The following PRR12 variants were observed in gnomAD, a reference collection of about 807,000 sequenced individuals.
PRR12 encodes proline-rich protein 12.
In PRR12, 12 loss-of-function variants were observed where a neutral mutation model predicts 138.0. That is an observed-to-expected ratio of 0.09 (90% CI 0.06 to 0.14). The LOEUF is 0.14. Among genes scored for constraint, PRR12 ranks in the 10% least tolerant of loss-of-function variants. The probability of loss-of-function intolerance (pLI) is 1.00; values close to 1 mark genes in which losing one functional copy is unlikely to be tolerated. For synonymous variants in PRR12, 1,567 were observed against 1,291.7 expected (o/e 1.21, Z -4.57); for missense variants, 2,692 against 2,861.3 (o/e 0.94, Z 1.35).
chr19:49,611,753 C>G (rs1599797075), intron 6 of PRR12, among the ~76,000 whole-genome samples: 1 of 146,562 alleles, frequency 6.8e-6, no homozygotes. Flanking sequence ...GAAACCCCGC[C>G]TCTACTAAAA....
At position 49,591,559 on chromosome 19, in the gene PRR12, C is replaced by T; in HGVS notation, c.-96C>T. On this transcript the variant is annotated 5_prime_UTR_variant, in exon 1 of 14. Coordinates refer to ENST00000418929, the MANE Select transcript of PRR12 (RefSeq NM_020719.3). ...AGAGAGAAAAGGGGGGAAAAAAAAG[C>T]AGCAGCGGAGGGAGCGGCGGCGGAG... The T allele has an allele frequency of 3.0e-6, 2 of 674,050 alleles. No homozygotes were observed. The highest frequency in any genetic ancestry group is 4.4e-6 in the Non-Finnish European group (2 of 449,788). 41.8% of individuals were successfully genotyped at this position (674,050 alleles called of 1,614,324 possible). A position where few individuals can be genotyped will look rare whatever the true frequency, so the allele number is the denominator to read the frequency against.
intron 8 of PRR12, 88 bp downstream of exon 8, chr19:49,615,097 G>A (rs1163853090): frequency 1.9e-6 from 3 of 1,551,502 alleles, no homozygotes; most frequent in South Asian, 1.1e-5. Flanking sequence ...GCTGGAGAGT[G>A]GGGGGTGGGG....
intron 6 of PRR12, among the ~76,000 whole-genome samples, chr19:49,608,861 A>G (rs1198783866): frequency 6.6e-6 from 1 of 152,190 alleles, no homozygotes; most frequent in South Asian, 2.1e-4. Flanking sequence ...AACAAAAAAA[A>G]CAAATCAATC....
At position 49,625,755 on chromosome 19, in the gene PRR12, G is replaced by A; in HGVS notation, c.*148G>A. The stretch of plus-strand genomic sequence containing the variant: ...GTCTGTGCTGCCCCCTCCAGGGCAG[G>A]GTTCAAAGTCCGACTCCCCCCCTCT... On this transcript the variant is annotated 3_prime_UTR_variant, in exon 14 of 14. Coordinates refer to ENST00000418929, the MANE Select transcript of PRR12 (RefSeq NM_020719.3). This position sits in a 1 kb window ranked among gnomAD's most constrained non-coding sequence, Gnocchi z 5.5. The A allele has an allele frequency of 9.1e-7, 1 of 1,094,248 alleles. No individual in the cohort carries two copies. Among genetic ancestry groups the A allele is most frequent in the Non-Finnish European group, 1.2e-6 (1 of 820,042 alleles). 67.8% of individuals were successfully genotyped at this position (1,094,248 alleles called of 1,614,324 possible). A position where few individuals can be genotyped will look rare whatever the true frequency, so the allele number is the denominator to read the frequency against.
Position 49,625,766 on chromosome 19 carries a change from C to T in PRR12, c.*159C>T, listed in dbSNP as rs573801122. On this transcript the variant is annotated 3_prime_UTR_variant, in exon 14 of 14. Coordinates refer to ENST00000418929, the MANE Select transcript of PRR12 (RefSeq NM_020719.3). The surrounding 1 kb of genome is among the most constrained non-coding windows in gnomAD (Gnocchi z 5.5). Reference sequence around the variant, plus strand: ...CCCCTCCAGGGCAGGGTTCAAAGTCCGACTCCCCCCCTCTCCCAAGCCCCC... The same window carrying T: ...CCCCTCCAGGGCAGGGTTCAAAGTCTGACTCCCCCCCTCTCCCAAGCCCCC... 767 of 905,532 alleles carry T rather than the reference C, an allele frequency of 8.5e-4. 2 individuals carry two copies. In the African/African-American group the frequency reaches 9.9e-3, roughly 12 times the overall value. The allele number at this position is 905,532 out of a possible 1,614,324, so 56.1% of individuals were successfully genotyped here. A position where few individuals can be genotyped will look rare whatever the true frequency, so the allele number is the denominator to read the frequency against.
chr19:49,614,636 G>T lies in PRR12; in HGVS notation c.4877G>T (p.Cys1626Phe). Residue 1626 changes from cysteine (C) to phenylalanine (F), a missense_variant, in exon 7 of 14, where the codon TGT (cysteine) becomes TTT (phenylalanine). Physicochemically the swap from Cys to Phe is radical, Grantham distance 205. Around this residue, in one of 11 missense-constraint regions of PRR12, gnomAD observed 92 missense variants for 174.1 expected, o/e 0.53. Transcript: ENST00000418929. This position sits in a 1 kb window ranked among gnomAD's most constrained non-coding sequence, Gnocchi z 5.0. Reference protein sequence around the residue: ...PEIKDGQRQFCATSNYLGYFG... With the variant: ...PEIKDGQRQFFATSNYLGYFG... ...ATCAAGGACGGCCAGAGGCAGTTTTGTGCCACCAGTAATGTAAGCCTGCAA... is the reference window on the plus strand; with the variant it reads ...ATCAAGGACGGCCAGAGGCAGTTTTTTGCCACCAGTAATGTAAGCCTGCAA... The T allele has an allele frequency of 6.4e-7, 1 of 1,560,582 alleles. No homozygotes were observed. The highest frequency in any genetic ancestry group is 8.7e-7 in the Non-Finnish European group (1 of 1,152,276).
rs1367018776 is a variant in PRR12 at position 49,594,245 on chromosome 19, G to C, written c.200-209G>C. Among the ~76,000 whole-genome samples the C allele has an allele frequency of 2.6e-5, 4 of 151,960 alleles. No individual in the cohort carries two copies. The highest frequency in any genetic ancestry group is 5.9e-5 in the Non-Finnish European group (4 of 67,984). ...TGTCCTTATGACTGGATTGCCCCTT[G>C]TCTTGCTTTACTGTCTCACCTTTCC... On this transcript the variant is annotated intron_variant, in intron 2 of 13. Coordinates refer to ENST00000418929, the MANE Select transcript of PRR12 (RefSeq NM_020719.3). The surrounding 1 kb of genome is among the most constrained non-coding windows in gnomAD (Gnocchi z 5.6).
Position 49,621,548 on chromosome 19 carries a change from C to T in PRR12, c.5647C>T (p.Arg1883Trp), listed in dbSNP as rs1304697024. The change falls in exon 11 of 14, where the codon CGG becomes TGG. Residue 1883 changes from arginine to tryptophan, a missense_variant. Arg to Trp is a moderately radical substitution (Grantham distance 101, BLOSUM62 -3). This residue lies in a region of PRR12 where 116 missense variants were observed against 243.4 expected (regional missense o/e 0.48). Transcript: ENST00000418929. ...THDELYLPPM[R>W]KIDGLLNEHK... ...AGACGAGCTGTACCTGCCCCCCATGCGGAAGATAGACGGCCTGCTGAATGA... is the reference window on the plus strand; with the variant it reads ...AGACGAGCTGTACCTGCCCCCCATGTGGAAGATAGACGGCCTGCTGAATGA... The T allele has an allele frequency of 1.2e-6, 2 of 1,606,898 alleles. No individual in the cohort carries two copies. Among genetic ancestry groups the T allele is most frequent in the South Asian group, 1.1e-5 (1 of 89,428 alleles).
At chr19:49,602,277 C>A (rs533993407) in intron 6 of PRR12, among the ~76,000 whole-genome samples, 1 of 152,146 alleles carries the variant, frequency 6.6e-6, no homozygotes, top group African/African-American at 2.4e-5. Flanking sequence ...GGCTCTGGCC[C>A]TAGGGAGCTT....
chr19:49,603,625 AG>A (rs1159454286), intron 6 of PRR12, among the ~76,000 whole-genome samples: 1 of 151,884 alleles, frequency 6.6e-6, no homozygotes, highest in South Asian at 2.1e-4. Flanking sequence ...TCTGGGGTGG[AG>A]GGGGGAGGTT....
In PRR12 at chr19:49,614,518, AC is replaced by A. The variant is rs1568429597; in HGVS notation, c.4774-11del. ...GGGCTGACCCTGCTGGCCTCACCAC[AC>A]CCCTCCTCCTCAGCTGGCGTTGCAG... On this transcript the variant is annotated splice_polypyrimidine_tract_variant and intron_variant, in intron 6 of 13. Coordinates refer to ENST00000418929, the MANE Select transcript of PRR12 (RefSeq NM_020719.3). This position sits in a 1 kb window ranked among gnomAD's most constrained non-coding sequence, Gnocchi z 5.0. 6.5e-7 allele frequency: 1 copy of A among 1,527,492 alleles called. No individual in the cohort carries two copies. Among genetic ancestry groups the A allele is most frequent in the South Asian group, 1.2e-5 (1 of 80,804 alleles). The allele number at this position is 1,527,492 out of a possible 1,614,324, so 94.6% of individuals were successfully genotyped here. A position where few individuals can be genotyped will look rare whatever the true frequency, so the allele number is the denominator to read the frequency against.
rs2122315874 is a variant in PRR12, at chr19:49,601,482, C to T, written c.4346-9C>T. On this transcript the variant is annotated splice_polypyrimidine_tract_variant and intron_variant, in intron 5 of 13. Coordinates refer to ENST00000418929, the MANE Select transcript of PRR12 (RefSeq NM_020719.3). ...TAACATCCAGGCCTGATGTCCCTGTCTCCCCCAGAGCCCCCGCTGCTGGAG... is the reference window on the plus strand; with the variant it reads ...TAACATCCAGGCCTGATGTCCCTGTTTCCCCCAGAGCCCCCGCTGCTGGAG... 4.8e-6 allele frequency: 7 copies of T among 1,449,692 alleles called. No individual in the cohort carries two copies. Among genetic ancestry groups the T allele is most frequent in the East Asian group, 2.5e-5 (1 of 40,154 alleles). The allele number at this position is 1,449,692 out of a possible 1,614,324, so 89.8% of individuals were successfully genotyped here. A position where few individuals can be genotyped will look rare whatever the true frequency, so the allele number is the denominator to read the frequency against.
rs1261534194 is a variant in PRR12 at position 49,591,588 on chromosome 19, A to AGCGC, written c.-58_-55dup. The AGCGC allele has an allele frequency of 1.8e-6, 1 of 566,910 alleles. No homozygotes were observed. Among genetic ancestry groups the AGCGC allele is most frequent in the Non-Finnish European group, 2.7e-6 (1 of 364,396 alleles). 35.1% of individuals were successfully genotyped at this position (566,910 alleles called of 1,614,324 possible). ...AGCGGAGGGAGCGGCGGCGGAGGAGAGCGCGCGCGCGCCCCCTCCCTCCCT... is the reference window on the plus strand; with the variant it reads ...AGCGGAGGGAGCGGCGGCGGAGGAGAGCGCGCGCGCGCGCGCCCCCTCCCTCCCT... On this transcript the variant is annotated 5_prime_UTR_variant, in exon 1 of 14. Coordinates refer to ENST00000418929, the MANE Select transcript of PRR12 (RefSeq NM_020719.3).
At chr19:49,618,590 G>C (rs1192089784) in intron 9 of PRR12, among the ~76,000 whole-genome samples, 2 of 152,074 alleles carry the variant, frequency 1.3e-5, no homozygotes, top group Non-Finnish European at 2.9e-5. Flanking sequence ...GTTTCACCAT[G>C]TTGGCCCAGG....
Position 49,595,590 on chromosome 19 carries a change from A to C in PRR12, c.1255A>C (p.Ser419Arg), listed in dbSNP as rs1207509887. Residue 419 changes from serine (S) to arginine (R), a missense_variant, in exon 4 of 14, where the codon AGC (serine) becomes CGC (arginine). Physicochemically the swap from Ser to Arg is moderately radical, Grantham distance 110. Around this residue, in one of 11 missense-constraint regions of PRR12, gnomAD observed 523 missense variants for 496.4 expected, o/e 1.05. Coordinates refer to ENST00000418929, the MANE Select transcript of PRR12 (RefSeq NM_020719.3). ...TTCGACCGCCACCCCCAAATGTCAG[A>C]GCCTGGGTGGGCCAGCAGCCGCCTA... ...PRSTATPKCQ[S>R]LGGPAAAYAT... 1.2e-6 allele frequency: 2 copies of C among 1,605,850 alleles called. No individual in the cohort carries two copies. The highest frequency in any genetic ancestry group is 2.7e-5 in the African/African-American group (2 of 74,740).
At position 49,599,282 on chromosome 19, in the gene PRR12, C is replaced by G. The variant is rs771544605; in HGVS notation, c.3689C>G (p.Ser1230Cys). 19 of 1,600,614 alleles carry G rather than the reference C, an allele frequency of 1.2e-5. No individual in the cohort carries two copies. Among genetic ancestry groups the G allele is most frequent in the Non-Finnish European group, 1.1e-5 (13 of 1,172,662 alleles). Reference sequence around the variant, plus strand: ...CACTCCCATGTCTAGATCAAGCTGTCTGTGCCCAAGGCTGGCGAGGGTCTG... The same window carrying G: ...CACTCCCATGTCTAGATCAAGCTGTGTGTGCCCAAGGCTGGCGAGGGTCTG... ...EPLKPLKIKLSVPKAGEGLGT... is the reference protein window; with the variant it reads ...EPLKPLKIKLCVPKAGEGLGT... Residue 1230 changes from serine (S) to cysteine (C), a missense_variant, in exon 5 of 14, where the codon TCT becomes TGT. By Grantham distance (112) the Ser-to-Cys change is moderately radical. This residue lies in a region of PRR12 where 326 missense variants were observed against 344.2 expected (regional missense o/e 0.95). Transcript: ENST00000418929. The surrounding 1 kb of genome is among the most constrained non-coding windows in gnomAD (Gnocchi z 5.0).
intron 6 of PRR12, among the ~76,000 whole-genome samples, chr19:49,611,999 C>G (rs146173224): frequency 0.019 from 2,510 of 134,306 alleles, 80 homozygotes; most frequent in African/African-American, 0.065. Flanking sequence ...TTGGGAGGCC[C>G]AGGCGGGCGG....
rs1185132287 is a variant in PRR12, at chr19:49,614,341, A to C, written c.4774-192A>C. 6.6e-6 allele frequency among the ~76,000 whole-genome samples: 1 copy of C among 152,216 alleles called. No homozygotes were observed. The highest frequency in any genetic ancestry group is 1.5e-5 in the Non-Finnish European group (1 of 68,038). On this transcript the variant is annotated intron_variant, in intron 6 of 13. Coordinates refer to ENST00000418929, the MANE Select transcript of PRR12 (RefSeq NM_020719.3). The surrounding 1 kb of genome is among the most constrained non-coding windows in gnomAD (Gnocchi z 5.0). ...GCCCAATCCAGGGTACTGGGTGGGC[A>C]GGAGGCGACAGGGTCAAGTTCAAGC...
chr19:49,597,501 A>C lies in PRR12; in HGVS notation c.3166A>C (p.Lys1056Gln), dbSNP rs1247010775. 1 of 1,552,440 alleles carries C rather than the reference A, an allele frequency of 6.4e-7. No individual in the cohort carries two copies. The highest frequency in any genetic ancestry group is 1.2e-5 in the South Asian group (1 of 84,248). ...GCCTCCCGCGCCGGCCTCCGAACCC[A>C]AGGGTGGCCTCACCTCGCCCATCTT... ...PPPPAPASEP[K>Q]GGLTSPIFCS... Residue 1056 changes from lysine to glutamine, a missense_variant, in exon 4 of 14, where the codon AAG (lysine) becomes CAG (glutamine). By Grantham distance (53) the Lys-to-Gln change is moderately conservative (BLOSUM62 1). Coordinates refer to ENST00000418929, the MANE Select transcript of PRR12 (RefSeq NM_020719.3). The surrounding 1 kb of genome is among the most constrained non-coding windows in gnomAD (Gnocchi z 6.3).
Sources: gnomAD v4.1 joint callset for allele counts (sites outside exome capture counted in the v4.1 genomes callset) on GRCh38, gnomAD v4.1.1 for gene constraint, gnomAD v4.1.1 regional missense constraint, Gnocchi (gnomAD v3.1) non-coding constraint, MANE v1.5 for transcripts, NCBI Gene and HGNC (gene_info 2026-07-23, HGNC 2026-07-21) for gene names.